Variants in AXDND1 observed in about 807,000 individuals in gnomAD.
AXDND1 encodes axonemal dynein light chain domain containing 1.
A neutral mutation model predicts 137.5 loss-of-function variants in AXDND1; 110 were observed. That is an observed-to-expected ratio of 0.80 (90% CI 0.69 to 0.94). AXDND1 has a LOEUF of 0.94. Among genes scored for constraint, AXDND1 ranks in the 40% least tolerant of loss-of-function variants. AXDND1 has a pLI of 0.00. For missense variants in AXDND1, 1,191 were observed against 1,169.8 expected (o/e 1.02, Z -0.26); for synonymous variants, 414 against 399.7 (o/e 1.04, Z -0.43).
intron 25 of AXDND1, chr1:179,551,092 G>A: frequency 6.4e-7 from 1 of 1,569,022 alleles, no homozygotes; most frequent in East Asian, 2.2e-5. Flanking sequence ...GAAGGGCAGG[G>A]AATGAGGACA....
chr1:179,371,323 G>A (rs1668013567), intron 4 of AXDND1, among the ~76,000 whole-genome samples: 2 of 152,162 alleles, frequency 1.3e-5, no homozygotes, highest in South Asian at 2.1e-4. Context: ...AGCTACTTGG[G>A]AGGCTAACGC....
chr1:179,530,138 T>G (rs1409928429), intron 23 of AXDND1, among the ~76,000 whole-genome samples: 2 of 152,166 alleles, frequency 1.3e-5, no homozygotes, highest in Non-Finnish European at 2.9e-5. Context: ...CAAGCGATTC[T>G]CCTGCCTCAG....
intron 15 of AXDND1, among the ~76,000 whole-genome samples, chr1:179,444,102 A>G (rs1659390815): frequency 6.6e-6 from 1 of 151,688 alleles, no homozygotes; most frequent in Non-Finnish European, 1.5e-5. Context: ...ACATGCATAG[A>G]AAAAATAGAA....
chr1:179,401,718 G>A (rs926180812), intron 11 of AXDND1, among the ~76,000 whole-genome samples: 2 of 152,032 alleles, frequency 1.3e-5, no homozygotes, highest in African/African-American at 4.8e-5. Flanking sequence ...TAAGTCTCAC[G>A]AGACCTGATT....
rs367975765 is a variant in AXDND1 at position 179,395,187 on chromosome 1, C to T, written c.1094C>T (p.Ala365Val). 2.4e-5 allele frequency: 38 copies of T among 1,611,676 alleles called. No individual in the cohort carries two copies. The highest frequency in any genetic ancestry group is 4.4e-5 in the South Asian group (4 of 90,658). Residue 365 changes from alanine (A) to valine (V), a missense_variant, in exon 11 of 26, where the codon GCG (alanine) becomes GTG (valine). Coordinates refer to ENST00000367618, the MANE Select transcript of AXDND1 (RefSeq NM_144696.6). ...GATTTGGCACAAGCTCTTTTAAATG[C>T]GGAAAAGAATGCCAAGTGAGTTGCT... ...HKDLAQALLN[A>V]EKNAKIVEEY... is the part of the protein sequence containing the mutation.
intron 21 of AXDND1, among the ~76,000 whole-genome samples, chr1:179,521,697 C>T (rs1670075262): frequency 6.6e-6 from 1 of 151,574 alleles, no homozygotes; most frequent in Non-Finnish European, 1.5e-5. Flanking sequence ...GTGAAGATAT[C>T]CTGGTGGCAA....
At chr1:179,410,443 G>C (rs1450245787) in intron 11 of AXDND1, among the ~76,000 whole-genome samples, 1 of 152,166 alleles carries the variant, frequency 6.6e-6, no homozygotes, top group Non-Finnish European at 1.5e-5. Flanking sequence ...GGCCAGGCTG[G>C]TCTCAAATTC....
intron 17 of AXDND1, among the ~76,000 whole-genome samples, chr1:179,476,566 T>A (rs76964432): frequency 0.32 from 48,219 of 150,910 alleles, 8,257 homozygotes; most frequent in Middle Eastern, 0.43. Context: ...GTTTTTTTTT[T>A]AAATCTGGGG....
intron 21 of AXDND1, among the ~76,000 whole-genome samples, chr1:179,511,784 C>T (rs769108098): frequency 3.3e-5 from 5 of 151,794 alleles, no homozygotes; most frequent in Non-Finnish European, 7.4e-5. Context: ...ATTGCATTGT[C>T]GTTTTGATTT....
At chr1:179,543,812 A>G (rs1672391836) in intron 25 of AXDND1, 1 of 152,422 alleles carries the variant, frequency 6.6e-6, no homozygotes, top group East Asian at 1.9e-4. Context: ...TGTGGCACAT[A>G]GCTTATTTGT....
At chr1:179,405,446 A>G (rs923566107) in intron 11 of AXDND1, among the ~76,000 whole-genome samples, 1 of 152,156 alleles carries the variant, frequency 6.6e-6, no homozygotes, top group African/African-American at 2.4e-5. Context: ...CAGTAATGGG[A>G]TTACTGGGTC....
At chr1:179,424,012 G>A (rs1656180052) in intron 12 of AXDND1, among the ~76,000 whole-genome samples, 1 of 151,920 alleles carries the variant, frequency 6.6e-6, no homozygotes, top group Non-Finnish European at 1.5e-5. Context: ...CTCCCCATTA[G>A]CATTTCTTGT....
At chr1:179,494,930 T>C (rs1043866290) in intron 20 of AXDND1, among the ~76,000 whole-genome samples, 2 of 152,208 alleles carry the variant, frequency 1.3e-5, no homozygotes, top group Non-Finnish European at 2.9e-5. Flanking sequence ...CATTTGGATA[T>C]CCAATTGTTT....
At chr1:179,464,532 G>C (rs1020117961) in intron 16 of AXDND1, among the ~76,000 whole-genome samples, 14 of 152,088 alleles carry the variant, frequency 9.2e-5, no homozygotes, top group Non-Finnish European at 4.4e-5. Context: ...ACTTTTCTCT[G>C]TGGCTGCCCT....
intron 8 of AXDND1, 73 bp from the exon 9 acceptor site, chr1:179,385,165 A>C: frequency 7.9e-7 from 1 of 1,268,084 alleles, no homozygotes; most frequent in Non-Finnish European, 1.1e-6. Flanking sequence ...TTTACATTCA[A>C]GGTATTAACC....
intron 17 of AXDND1, among the ~76,000 whole-genome samples, chr1:179,471,123 G>C (rs1283158687): frequency 6.6e-6 from 1 of 152,046 alleles, no homozygotes; most frequent in Non-Finnish European, 1.5e-5. Context: ...AAATACTTTT[G>C]ATCAGTTCAG....
chr1:179,412,742 T>C (rs1030091538), intron 12 of AXDND1, among the ~76,000 whole-genome samples: 3 of 152,176 alleles, frequency 2.0e-5, no homozygotes, highest in African/African-American at 7.2e-5. Flanking sequence ...TCAAGAGATA[T>C]AACTACTTAT....
intron 9 of AXDND1, among the ~76,000 whole-genome samples, chr1:179,387,972 T>C (rs1649501067): frequency 6.6e-6 from 1 of 152,210 alleles, no homozygotes; most frequent in African/African-American, 2.4e-5. Flanking sequence ...TCTCTGCTAC[T>C]CTGTCCTCTG....
intron 25 of AXDND1, among the ~76,000 whole-genome samples, chr1:179,546,590 G>C (rs925564466): frequency 6.6e-6 from 1 of 152,112 alleles, no homozygotes; most frequent in East Asian, 1.9e-4. Flanking sequence ...TGTCCAGACC[G>C]AGCCATGCTG....
Sources: gnomAD v4.1 joint callset for allele counts (sites outside exome capture counted in the v4.1 genomes callset) on GRCh38, gnomAD v4.1.1 for gene constraint, MANE v1.5 for transcripts, NCBI Gene and HGNC (gene_info 2026-07-23, HGNC 2026-07-21) for gene names.